Variants in TDG observed in about 807,000 individuals in gnomAD.
TDG encodes G/T mismatch-specific thymine DNA glycosylase.
TDG carries 23 observed loss-of-function variants against 46.1 expected under a neutral mutation model. The observed-to-expected ratio is 0.50, with a 90% confidence interval of 0.36 to 0.71. The LOEUF is 0.71. Ranked by LOEUF, TDG falls within the 30% of genes least tolerant of loss-of-function variation. The pLI, the probability that TDG is intolerant of heterozygous loss-of-function variation, is 0.00. For missense variants in TDG, 304 were observed against 486.7 expected (o/e 0.62, Z 3.53); for synonymous variants, 115 against 161.3 (o/e 0.71, Z 2.18).
At chr12:103,977,622 T>A (rs2079096857) in intron 2 of TDG, among the ~76,000 whole-genome samples, 1 of 152,224 alleles carries the variant, frequency 6.6e-6, no homozygotes, top group South Asian at 2.1e-4. Context: ...AAACTTGTTT[T>A]TTAATCCCAA....
At chr12:103,984,039 C>A (rs1418083598) in intron 7 of TDG, among the ~76,000 whole-genome samples, 1 of 152,198 alleles carries the variant, frequency 6.6e-6, no homozygotes, top group Non-Finnish European at 1.5e-5. Context: ...AACATCTTAA[C>A]TGATGGAGAA....
chr12:103,985,745 A>C lies in TDG; in HGVS notation c.1090+17A>C. On this transcript the variant is annotated intron_variant, in intron 9 of 9. Transcript: ENST00000392872. Reference sequence around the variant, plus strand: ...ATGGGCTAAGTATGGTTCCCTCCACATGTGTATTCCTTTCAAAGACGGTTT... The same window carrying C: ...ATGGGCTAAGTATGGTTCCCTCCACCTGTGTATTCCTTTCAAAGACGGTTT... 6.4e-7 allele frequency: 1 copy of C among 1,571,700 alleles called. No individual in the cohort carries two copies. Among genetic ancestry groups the C allele is most frequent in the Non-Finnish European group, 8.6e-7 (1 of 1,159,874 alleles).
chr12:103,971,406 AC>A (rs1242195531), intron 1 of TDG, among the ~76,000 whole-genome samples: 4 of 152,182 alleles, frequency 2.6e-5, no homozygotes, highest in Non-Finnish European at 4.4e-5. Flanking sequence ...TACTAAAAAT[AC>A]AAAAATTAGC....
chr12:103,973,101 T>TTTTTTTTTTTTAA, intron 1 of TDG: 1 of 691,826 alleles, frequency 1.4e-6, no homozygotes, highest in Non-Finnish European at 2.6e-6. Flanking sequence ...TTTTTTTTTT[T>TTTTTTTTTTTTAA]GAGACGGAGT....
chr12:103,988,240 C>CTGAATCCT lies in TDG; in HGVS notation c.*1150_*1151insTGAATCCT, dbSNP rs1421429255. On this transcript the variant is annotated 3_prime_UTR_variant, in exon 10 of 10. Transcript: ENST00000392872. ...TGTTATTTGCATCCTCTCAGTTACTCCTGAATATTCTGATTTCATACGTAC... is the reference window on the plus strand; with the variant it reads ...TGTTATTTGCATCCTCTCAGTTACTCTGAATCCTCTGAATATTCTGATTTCATACGTAC... 1.4e-4 allele frequency: 21 copies of CTGAATCCT among 152,396 alleles called. No homozygotes were observed. Among genetic ancestry groups the CTGAATCCT allele is most frequent in the Non-Finnish European group, 2.6e-4 (18 of 67,978 alleles). 9.4% of individuals were successfully genotyped at this position (152,396 alleles called of 1,614,324 possible).
intron 2 of TDG, among the ~76,000 whole-genome samples, chr12:103,978,817 C>A (rs1385622019): frequency 6.6e-6 from 1 of 152,154 alleles, no homozygotes; most frequent in Non-Finnish European, 1.5e-5. Flanking sequence ...TGGCAGGTTA[C>A]TACTGGCATC....
intron 2 of TDG, among the ~76,000 whole-genome samples, chr12:103,977,559 G>T (rs1023982828): frequency 1.3e-5 from 2 of 152,186 alleles, no homozygotes; most frequent in African/African-American, 4.8e-5. Flanking sequence ...TGTCCTTGGA[G>T]TCTGGGATAT....
chr12:103,986,216 C>T lies in TDG; in HGVS notation c.1090+488C>T, dbSNP rs4135136. On this transcript the variant is annotated intron_variant, in intron 9 of 9. Coordinates refer to ENST00000392872, the MANE Select transcript of TDG (RefSeq NM_003211.6). ...GATTACAGGCATGAGCCACCGCACC[C>T]GGCCTACAGTGCATTTTCTTTAAGT... 427 of 152,404 alleles carry T rather than the reference C, an allele frequency of 2.8e-3. 2 individuals are homozygous for T. Among genetic ancestry groups the T allele is most frequent in the Non-Finnish European group, 4.7e-3 (320 of 68,170 alleles). The allele number at this position is 152,404 out of a possible 1,614,324, so 9.4% of individuals were successfully genotyped here.
At position 103,977,580 on chromosome 12, in the gene TDG, T is replaced by TG. The variant is rs1871601518; in HGVS notation, c.166+522dup. ...TGGAGTCTGGGATATAACAAGGAAA[T>TG]GGTGAGAGGTGAGGCTGGATGGGGA... On this transcript the variant is annotated intron_variant, in intron 2 of 9. Coordinates refer to ENST00000392872, the MANE Select transcript of TDG (RefSeq NM_003211.6). Among the ~76,000 whole-genome samples, 3 of 152,178 alleles carry TG rather than the reference T, an allele frequency of 2.0e-5. No individual in the cohort carries two copies. The South Asian group carries it at 6.2e-4, about 32-fold the overall frequency.
At position 103,988,373 on chromosome 12, in the gene TDG, C is replaced by T. The variant is rs1171091439; in HGVS notation, c.*1283C>T. 1.3e-5 allele frequency: 2 copies of T among 152,688 alleles called. No homozygotes were observed. Among genetic ancestry groups the T allele is most frequent in the Non-Finnish European group, 2.9e-5 (2 of 68,044 alleles). The allele number at this position is 152,688 out of a possible 1,614,324, so 9.5% of individuals were successfully genotyped here. A position where few individuals can be genotyped will look rare whatever the true frequency, so the allele number is the denominator to read the frequency against. ...CTCTTTATAATAAGAGAAACAAATTCTTATTGTGAATCTTAACATGCTTTT... is the reference window on the plus strand; with the variant it reads ...CTCTTTATAATAAGAGAAACAAATTTTTATTGTGAATCTTAACATGCTTTT... On this transcript the variant is annotated 3_prime_UTR_variant, in exon 10 of 10. Coordinates refer to ENST00000392872, the MANE Select transcript of TDG (RefSeq NM_003211.6).
At chr12:103,972,174 A>G (rs987104419) in intron 1 of TDG, among the ~76,000 whole-genome samples, 25 of 152,006 alleles carry the variant, frequency 1.6e-4, no homozygotes, top group Non-Finnish European at 3.2e-4. Flanking sequence ...GCTGGAGTAC[A>G]GTGGTACGAT....
In TDG at chr12:103,973,106, C is replaced by T. The variant is rs926686516; in HGVS notation, c.24-3812C>T. On this transcript the variant is annotated intron_variant, in intron 1 of 9. Coordinates refer to ENST00000392872, the MANE Select transcript of TDG (RefSeq NM_003211.6). ...CATACATTTTTTTTTTTTTTTGAGA[C>T]GGAGTTTCGCTCTTGTTGTCCAGGC... 94 of 51,728 alleles carry T rather than the reference C, an allele frequency of 1.8e-3. 2 individuals are homozygous for T. Among genetic ancestry groups the T allele is most frequent in the African/African-American group, 0.017 (65 of 3,728 alleles). The allele number at this position is 51,728 out of a possible 1,614,324, so 3.2% of individuals were successfully genotyped here. A position where few individuals can be genotyped will look rare whatever the true frequency, so the allele number is the denominator to read the frequency against.
At chr12:103,966,197 G>T in intron 1 of TDG, 137 bp downstream of exon 1, 1 of 1,205,018 alleles carries the variant, frequency 8.3e-7, no homozygotes, top group Admixed American at 3.4e-5. Flanking sequence ...GCGCACTGTG[G>T]CCTGGTCGGC....
At chr12:103,978,619 G>A (rs1011372663) in intron 2 of TDG, among the ~76,000 whole-genome samples, 2 of 152,162 alleles carry the variant, frequency 1.3e-5, no homozygotes, top group African/African-American at 2.4e-5. Flanking sequence ...GGCTTGATTG[G>A]GGAAACGCCA....
At chr12:103,974,994 GA>G (rs1376586055) in intron 1 of TDG, among the ~76,000 whole-genome samples, 4 of 84,010 alleles carry the variant, frequency 4.8e-5, no homozygotes, top group East Asian at 2.1e-4. Context: ...AAAAAAAAAA[GA>G]AAAAGAAAAA....
Position 103,987,065 on chromosome 12 carries a change from A to G in TDG, c.1208A>G (p.Glu403Gly). 1.2e-6 allele frequency: 2 copies of G among 1,614,096 alleles called. No individual in the cohort carries two copies. The highest frequency in any genetic ancestry group is 2.2e-5 in the South Asian group (2 of 91,086). The change falls in exon 10 of 10, where the codon GAA (glutamate) becomes GGA (glycine). Residue 403 changes from glutamate to glycine, a missense_variant. By Grantham distance (98) the Glu-to-Gly change is moderately conservative. Transcript: ENST00000392872. ...TTTAGTAATCACTGTGGAACACAAG[A>G]ACAGGAAGAAGAAAGCCATGCTTAA... ...PSFSNHCGTQ[E>G]QEEESHA
intron 1 of TDG, among the ~76,000 whole-genome samples, chr12:103,976,408 C>CCATACACACACA (rs1555274303): frequency 6.8e-6 from 1 of 147,450 alleles, no homozygotes; most frequent in African/African-American, 2.5e-5. Context: ...CCCTGTCTCC[C>CCATACACACACA]CACACACACA....
At position 103,979,959 on chromosome 12, in the gene TDG, A is replaced by C. The variant is rs1475590653; in HGVS notation, c.295A>C (p.Thr99Pro). The C allele has an allele frequency of 2.2e-5, 36 of 1,612,036 alleles. No homozygotes were observed. Among genetic ancestry groups the C allele is most frequent in the Admixed American group, 1.0e-4 (6 of 59,804 alleles). The change falls in exon 3 of 10, where the codon ACA becomes CCA. Residue 99 changes from threonine (T) to proline (P), a missense_variant. Thr to Pro is a conservative substitution (Grantham distance 38). Coordinates refer to ENST00000392872, the MANE Select transcript of TDG (RefSeq NM_003211.6). ...AKSKEKQEKITDTFKVKRKVD... is the reference protein window; with the variant it reads ...AKSKEKQEKIPDTFKVKRKVD... ...ATCAAAAGAAAAACAAGAAAAAATT[A>C]CAGACACATTTAAAGTAAAAAGAAA...
At chr12:103,974,695 G>T (rs1308849452) in intron 1 of TDG, among the ~76,000 whole-genome samples, 3 of 152,106 alleles carry the variant, frequency 2.0e-5, no homozygotes, top group African/African-American at 7.2e-5. Flanking sequence ...CTTTCGCTGG[G>T]CGCGGTGGCT....
Sources: gnomAD v4.1 joint callset for allele counts (sites outside exome capture counted in the v4.1 genomes callset) on GRCh38, gnomAD v4.1.1 for gene constraint, MANE v1.5 for transcripts, NCBI Gene and HGNC (gene_info 2026-07-23, HGNC 2026-07-21) for gene names.